Variants in LTBP2 observed in about 807,000 individuals in gnomAD.
LTBP2 encodes latent-transforming growth factor beta-binding protein 2.
LTBP2 carries 103 observed loss-of-function variants against 210.6 expected under a neutral mutation model. The observed-to-expected ratio is 0.49, with a 90% CI of 0.42 to 0.58. The LOEUF is 0.58. Among genes scored for constraint, LTBP2 ranks in the 20% least tolerant of loss-of-function variants. The probability of loss-of-function intolerance (pLI) is 0.00; values close to 1 mark genes in which losing one functional copy is unlikely to be tolerated. For synonymous variants in LTBP2, 1,007 were observed against 1,015.0 expected (o/e 0.99, Z 0.15); for missense variants, 2,313 against 2,494.5 (o/e 0.93, Z 1.55).
chr14:74,603,094 G>C (rs1448671398), intron 2 of LTBP2, among the ~76,000 whole-genome samples: 1 of 152,206 alleles, frequency 6.6e-6, no homozygotes, highest in Non-Finnish European at 1.5e-5. Context: ...AACACAAGCA[G>C]TGATTTGATT....
chr14:74,568,093 GCCT>G (rs1303964991), intron 3 of LTBP2, among the ~76,000 whole-genome samples: 4 of 152,146 alleles, frequency 2.6e-5, no homozygotes, highest in Non-Finnish European at 5.9e-5. Context: ...ATCACAAGAG[GCCT>G]CTCTGGGCAG....
intron 3 of LTBP2, among the ~76,000 whole-genome samples, chr14:74,583,888 C>A (rs1232118126): frequency 6.6e-6 from 1 of 152,182 alleles, no homozygotes; most frequent in Non-Finnish European, 1.5e-5. Context: ...AAAAGTGCTG[C>A]GCTAGGGAAA....
chr14:74,558,863 G>C (rs965293480), intron 3 of LTBP2, among the ~76,000 whole-genome samples: 1 of 152,122 alleles, frequency 6.6e-6, no homozygotes, highest in Non-Finnish European at 1.5e-5. Flanking sequence ...AGAGGGGAGG[G>C]GTTGGGACTG....
intron 8 of LTBP2, among the ~76,000 whole-genome samples, chr14:74,546,713 G>A (rs1211553904): frequency 1.3e-5 from 2 of 152,176 alleles, no homozygotes; most frequent in African/African-American, 4.8e-5. Context: ...CTGATCCACA[G>A]AGCTCTGCTC....
At chr14:74,535,880 T>A in intron 9 of LTBP2, 46 bp downstream of exon 9, 3 of 1,527,494 alleles carry the variant, frequency 2.0e-6, no homozygotes, top group Non-Finnish European at 2.7e-6. Flanking sequence ...GTGCTGGGAG[T>A]GTGCCCCGGC....
At chr14:74,531,273 G>A (rs983042070) in intron 10 of LTBP2, among the ~76,000 whole-genome samples, 2 of 152,112 alleles carry the variant, frequency 1.3e-5, no homozygotes, top group Non-Finnish European at 2.9e-5. Context: ...GTAACACCAG[G>A]GACAGAGAGG....
chr14:74,585,348 G>A (rs1426388017), intron 3 of LTBP2, among the ~76,000 whole-genome samples: 1 of 152,248 alleles, frequency 6.6e-6, no homozygotes, highest in Admixed American at 6.5e-5. Flanking sequence ...AGGATGGGGT[G>A]TGGGAGAACA....
In LTBP2 at chr14:74,501,459, C is replaced by A. The variant is rs769564522; in HGVS notation, c.5302G>T (p.Ala1768Ser). 4.3e-6 allele frequency: 7 copies of A among 1,614,156 alleles called. No homozygotes were observed. The South Asian group carries it at 7.7e-5, about 18-fold the overall frequency. ...CACTTACCTACGCAGGCCATGTGGG[C>A]CGCATCCAGCTGGAAGCCCTCAAAA... ...DCFEGFQLDA[A>S]HMACVDVNEC... Residue 1768 changes from alanine to serine, a missense_variant, in exon 35 of 36, where the codon GCC becomes TCC. Transcript: ENST00000261978.
intron 17 of LTBP2, 22 bp downstream of exon 17, chr14:74,521,889 G>T (rs1368688029): frequency 6.2e-7 from 1 of 1,613,660 alleles, no homozygotes; most frequent in South Asian, 1.1e-5. Flanking sequence ...CCTGGCCAAG[G>T]GCAAGGGCGG....
chr14:74,594,407 T>C (rs973060780), intron 2 of LTBP2, among the ~76,000 whole-genome samples: 3 of 152,194 alleles, frequency 2.0e-5, no homozygotes, highest in Non-Finnish European at 4.4e-5. Flanking sequence ...CTCCAGACTC[T>C]GGGCCCAGCC....
At chr14:74,542,901 G>C (rs1821651674) in intron 8 of LTBP2, among the ~76,000 whole-genome samples, 1 of 151,754 alleles carries the variant, frequency 6.6e-6, no homozygotes, top group African/African-American at 2.4e-5. Context: ...TGAGTAAACA[G>C]GATTACAGCC....
At chr14:74,574,281 A>G (rs958867277) in intron 3 of LTBP2, among the ~76,000 whole-genome samples, 1 of 152,156 alleles carries the variant, frequency 6.6e-6, no homozygotes, top group African/African-American at 2.4e-5. Flanking sequence ...CCTTAGTGCT[A>G]GTCAATCTTA....
At chr14:74,508,452 G>C in intron 24 of LTBP2, 152 bp downstream of exon 24, 2 of 1,428,564 alleles carry the variant, frequency 1.4e-6, no homozygotes, top group Admixed American at 3.9e-5. Context: ...CTCCTCCCTG[G>C]GCAGGGCCGT....
rs113360431 is a variant in LTBP2 at position 74,587,498 on chromosome 14, C to T, written c.566-1380G>A. Among the ~76,000 whole-genome samples, 200 of 151,584 alleles carry T rather than the reference C, an allele frequency of 1.3e-3. 1 individual carries two copies. Among genetic ancestry groups the T allele is most frequent in the African/African-American group, 4.3e-3 (178 of 41,292 alleles). On this transcript the variant is annotated intron_variant, in intron 2 of 35. Transcript: ENST00000261978. ...GAGAGATGGGAGCGTGCAAAGGAAG[C>T]GAACCCCCAAAGACCTGGGCAGTTT...
Position 74,505,060 on chromosome 14 carries a change from G to C in LTBP2, c.4292C>G (p.Thr1431Ser). The C allele has an allele frequency of 6.2e-7, 1 of 1,614,154 alleles. No homozygotes were observed. Among genetic ancestry groups the C allele is most frequent in the East Asian group, 2.2e-5 (1 of 44,866 alleles). Residue 1431 changes from threonine to serine, a missense_variant, in exon 29 of 36, where the codon ACC becomes AGC. By Grantham distance (58) the Thr-to-Ser change is moderately conservative (BLOSUM62 1). Transcript: ENST00000261978. ...APCSSVLGRN[T>S]TQAECCCTQG... The stretch of plus-strand genomic sequence containing the variant: ...GGTGCAGCAGCATTCAGCCTGTGTG[G>C]TGTTCCGGCCCAGGACACTGGAGCA...
intron 8 of LTBP2, 31 bp downstream of exon 8, chr14:74,549,832 A>C (rs1162732311): frequency 1.3e-6 from 2 of 1,576,440 alleles, no homozygotes; most frequent in Non-Finnish European, 1.7e-6. Flanking sequence ...AGCTTCCTCC[A>C]CAACACGTGA....
At chr14:74,603,488 G>T in intron 2 of LTBP2, 147 bp downstream of exon 2, 2 of 791,138 alleles carry the variant, frequency 2.5e-6, no homozygotes, top group East Asian at 2.5e-5. Context: ...CTTTAAATAG[G>T]GGCTGCATCT....
intron 19 of LTBP2, 77 bp downstream of exon 19, chr14:74,511,168 T>G: frequency 6.2e-7 from 1 of 1,607,246 alleles, no homozygotes; most frequent in South Asian, 1.1e-5. Context: ...CCCACCTCTT[T>G]CCCTTTCCGT....
chr14:74,520,185 A>G (rs862039), intron 17 of LTBP2, among the ~76,000 whole-genome samples: 106,682 of 152,176 alleles, frequency 0.7, 37,775 homozygotes, highest in African/African-American at 0.81. Context: ...GGTCTCTGCA[A>G]AGATGCTTCT....
Sources: allele counts gnomAD v4.1 joint callset (sites outside exome capture counted in the v4.1 genomes callset), GRCh38; gene constraint gnomAD v4.1.1; transcripts MANE v1.5; gene names NCBI Gene and HGNC (gene_info 2026-07-23, HGNC 2026-07-21).